The following CD109 variants were observed in gnomAD, a reference collection of about 807,000 sequenced individuals.
The protein encoded by CD109 is CD109 antigen.
CD109 carries 149 observed loss-of-function variants against 165.8 expected under a neutral mutation model. That is an observed-to-expected ratio of 0.90 (90% CI 0.79 to 1.03). The LOEUF (loss-of-function observed/expected upper bound fraction) is 1.03. Ranked by LOEUF, CD109 falls within the 50% of genes least tolerant of loss-of-function variation. The probability of loss-of-function intolerance (pLI) is 0.00; values close to 1 mark genes in which losing one functional copy is unlikely to be tolerated. For missense variants in CD109, 1,712 were observed against 1,677.8 expected, an observed-to-expected ratio of 1.02 and a Z score of -0.36; for synonymous variants, 585 against 592.1, an observed-to-expected ratio of 0.99 and a Z score of 0.18.
rs1055337446 is a variant in CD109 at position 73,723,264 on chromosome 6, A to G, written c.261A>G (p.Thr87=). Residue 87 remains threonine, a synonymous_variant, in exon 3 of 33, where the codon ACA becomes ACG. Coordinates refer to ENST00000287097, the MANE Select transcript of CD109 (RefSeq NM_133493.5). ...EGVFEKGSFK[T]LTLPSLPLNS... ...TTTTCCTTGTAGGCTCTTTTAAGAC[A>G]CTTACTCTTCCATCAGTAAGTATCC... 4 of 1,612,620 alleles carry G rather than the reference A, an allele frequency of 2.5e-6. No homozygotes were observed. In the African/African-American group the frequency reaches 4.0e-5, roughly 16 times the overall value.
Position 73,785,385 on chromosome 6 carries a change from T to C in CD109, c.2245T>C (p.Phe749Leu), listed in dbSNP as rs751282410. 125 of 1,603,952 alleles carry C rather than the reference T, an allele frequency of 7.8e-5. No homozygotes were observed. The highest frequency in any genetic ancestry group is 9.5e-5 in the Non-Finnish European group (111 of 1,173,798). ...PVELQAFQPF[F>L]IFLNLPYSVI... The stretch of plus-strand genomic sequence containing the variant: ...CCAGCTCCAAGCCTTCCAACCATTT[T>C]TCATTTTTTTGAATCTTCCCTACTC... Residue 749 changes from phenylalanine (F) to leucine (L), a missense_variant, in exon 20 of 33, where the codon TTC (phenylalanine) becomes CTC (leucine). Coordinates refer to ENST00000287097, the MANE Select transcript of CD109 (RefSeq NM_133493.5).
chr6:73,748,753 T>C (rs1055344527), intron 5 of CD109, among the ~76,000 whole-genome samples: 1 of 152,160 alleles, frequency 6.6e-6, no homozygotes, highest in Non-Finnish European at 1.5e-5. Flanking sequence ...CATAGAGAAA[T>C]ATGTTGCAAC....
intron 5 of CD109, among the ~76,000 whole-genome samples, chr6:73,750,723 TA>T (rs1694041345): frequency 6.6e-6 from 1 of 152,214 alleles, no homozygotes; most frequent in Non-Finnish European, 1.5e-5. Flanking sequence ...TATGTTATGG[TA>T]TTCCTATTCT....
At chr6:73,730,753 C>T (rs1248301191) in intron 4 of CD109, among the ~76,000 whole-genome samples, 179 bp downstream of exon 4, 1 of 152,142 alleles carries the variant, frequency 6.6e-6, no homozygotes, top group Admixed American at 6.5e-5. Flanking sequence ...GTTAAGAGCT[C>T]AGCCTCTAGA....
At chr6:73,749,894 A>G (rs1206600542) in intron 5 of CD109, among the ~76,000 whole-genome samples, 2 of 152,186 alleles carry the variant, frequency 1.3e-5, no homozygotes, top group South Asian at 2.1e-4. Context: ...TTAAAGTTGT[A>G]TTTTAGGAAG....
At position 73,781,313 on chromosome 6, in the gene CD109, G is replaced by A; in HGVS notation, c.1957G>A (p.Gly653Ser). ...AAACCTCACGAAGGATTATATTGAT[G>A]GTGTTTGTAAGTAATACATGGCGAC... ...DANLTKDYID[G>S]VYDNAEYAER... The change falls in exon 17 of 33, where the codon GGT (glycine) becomes AGT (serine). Residue 653 changes from glycine to serine, a missense_variant. Coordinates refer to ENST00000287097, the MANE Select transcript of CD109 (RefSeq NM_133493.5). 6.2e-7 allele frequency: 1 copy of A among 1,611,924 alleles called. No individual in the cohort carries two copies.
At chr6:73,730,629 C>A in intron 4 of CD109, 55 bp downstream of exon 4, 2 of 1,101,336 alleles carry the variant, frequency 1.8e-6, no homozygotes, top group South Asian at 1.4e-5. Context: ...CTAAACCCCT[C>A]TGGGAAGTTC....
At chr6:73,730,004 A>G (rs1772300131) in intron 3 of CD109, among the ~76,000 whole-genome samples, 1 of 152,138 alleles carries the variant, frequency 6.6e-6, no homozygotes, top group African/African-American at 2.4e-5. Flanking sequence ...TGAGCGTGGA[A>G]AAGAAGGTTG....
chr6:73,785,509 C>T (rs760679200), intron 20 of CD109, 32 bp downstream of exon 20: 32 of 1,236,424 alleles, frequency 2.6e-5, no homozygotes, highest in Non-Finnish European at 3.7e-5. Flanking sequence ...TGATCATTTA[C>T]ACTACAGGAG....
chr6:73,742,150 T>C (rs1772809629), intron 5 of CD109, among the ~76,000 whole-genome samples: 1 of 152,178 alleles, frequency 6.6e-6, no homozygotes, highest in Admixed American at 6.5e-5. Flanking sequence ...ACTGAAAATC[T>C]ACACCTATTA....
At chr6:73,778,791 T>C (rs1774361233) in intron 15 of CD109, among the ~76,000 whole-genome samples, 1 of 152,208 alleles carries the variant, frequency 6.6e-6, no homozygotes, top group Admixed American at 6.5e-5. Context: ...AATGTGTTTT[T>C]TTCAACTTAG....
intron 2 of CD109, among the ~76,000 whole-genome samples, chr6:73,706,956 A>G (rs182543667): frequency 9.3e-4 from 141 of 152,350 alleles, no homozygotes; most frequent in Admixed American, 1.6e-3. Context: ...GGAATTTATT[A>G]TTCTGAGCAA....
At chr6:73,821,195 T>C (rs1202655029) in intron 32 of CD109, among the ~76,000 whole-genome samples, 2 of 152,144 alleles carry the variant, frequency 1.3e-5, no homozygotes, top group Non-Finnish European at 2.9e-5. Context: ...CATTAGGAGT[T>C]ATACCTAATG....
chr6:73,764,345 C>A (rs1469403814), intron 10 of CD109, among the ~76,000 whole-genome samples: 1 of 152,180 alleles, frequency 6.6e-6, no homozygotes, highest in Non-Finnish European at 1.5e-5. Context: ...ATATTTTCAG[C>A]TTTGTGGCCA....
In CD109 at chr6:73,803,508, G is replaced by A. The variant is rs866669865; in HGVS notation, c.2960+207G>A. Among the ~76,000 whole-genome samples the A allele has an allele frequency of 3.9e-5, 6 of 152,050 alleles. No individual in the cohort carries two copies. The South Asian group carries it at 8.3e-4, about 21-fold the overall frequency. ...AAATGTTTTTATTTAGAAAAGATAA[G>A]TTATAAATCCTCTTTTTTGTGTGTG... On this transcript the variant is annotated intron_variant, in intron 24 of 32. Coordinates refer to ENST00000287097, the MANE Select transcript of CD109 (RefSeq NM_133493.5).
chr6:73,798,322 C>G (rs1775244582), intron 23 of CD109, among the ~76,000 whole-genome samples: 1 of 152,024 alleles, frequency 6.6e-6, no homozygotes, highest in Non-Finnish European at 1.5e-5. Flanking sequence ...GCCGTATTAG[C>G]CAGGCTGGTT....
chr6:73,748,013 G>A (rs887907066), intron 5 of CD109, among the ~76,000 whole-genome samples: 6 of 151,926 alleles, frequency 3.9e-5, no homozygotes, highest in Non-Finnish European at 8.8e-5. Context: ...GGGAGTACAG[G>A]CGTGTGCCAC....
intron 5 of CD109, among the ~76,000 whole-genome samples, chr6:73,741,487 A>G (rs1582088332): frequency 6.6e-6 from 1 of 152,288 alleles, no homozygotes; most frequent in East Asian, 1.9e-4. Flanking sequence ...GAGTGTGGGA[A>G]TATGTTCTGA....
intron 5 of CD109, among the ~76,000 whole-genome samples, chr6:73,754,808 T>A (rs565260285): frequency 1.4e-3 from 206 of 152,302 alleles, no homozygotes; most frequent in African/African-American, 4.7e-3. Flanking sequence ...TACATATAAG[T>A]CAAGAATAGG....
Sources: allele counts gnomAD v4.1 joint callset (sites outside exome capture counted in the v4.1 genomes callset), GRCh38; gene constraint gnomAD v4.1.1; transcripts MANE v1.5; gene names NCBI Gene and HGNC (gene_info 2026-07-23, HGNC 2026-07-21).